The following LRP8 variants were observed in gnomAD, a reference collection of about 807,000 sequenced individuals.
The protein encoded by LRP8 is low-density lipoprotein receptor-related protein 8.
LRP8 carries 46 observed loss-of-function variants against 111.6 expected under a neutral mutation model. The ratio of observed to expected loss-of-function variants is 0.41; its 90% confidence interval spans 0.33 to 0.53. LRP8 has a LOEUF of 0.53. LRP8 is among the 20% of genes least tolerant of loss of function. The pLI is 0.20. For synonymous variants in LRP8, 464 were observed against 511.2 expected, an observed-to-expected ratio of 0.91 and a Z score of 1.24; for missense variants, 959 against 1,297.4, an observed-to-expected ratio of 0.74 and a Z score of 4.01.
intron 15 of LRP8, among the ~76,000 whole-genome samples, chr1:53,255,698 G>A (rs751458030): frequency 1.3e-5 from 2 of 152,162 alleles, no homozygotes; most frequent in Non-Finnish European, 2.9e-5. Flanking sequence ...GGAATCAAAA[G>A]CGCAGACTTC....
intron 2 of LRP8, chr1:53,305,376 CCCTT>C (rs1651745950): frequency 1.3e-5 from 2 of 152,226 alleles, no homozygotes; most frequent in Non-Finnish European, 2.9e-5. Context: ...AGTTCCTCCT[CCCTT>C]TATCCCAGCC....
chr1:53,272,434 C>G (rs577206174), intron 6 of LRP8, among the ~76,000 whole-genome samples: 1 of 152,292 alleles, frequency 6.6e-6, no homozygotes, highest in African/African-American at 2.4e-5. Context: ...CCCTCTCCCC[C>G]TCTGCCCCCC....
At position 53,249,553 on chromosome 1, in the gene LRP8, T is replaced by C. The variant is rs1402041461; in HGVS notation, c.2680A>G (p.Ile894Val). Residue 894 changes from isoleucine (I) to valine (V), a missense_variant, in exon 18 of 19, where the codon ATC becomes GTC. Ile to Val is a conservative substitution (Grantham distance 29, BLOSUM62 3). Transcript: ENST00000306052. The surrounding 1 kb of genome is among the most constrained non-coding windows in gnomAD (Gnocchi z 4.1). ...AQIGHVYPAA[I>V]SSFDRPLWAE... ...CACAGTGGGCGATCAAAGCTGCTGA[T>C]TGCCTGACAGGGGGATGGCACTGTG... 5.0e-6 allele frequency: 8 copies of C among 1,596,360 alleles called. No homozygotes were observed. Among genetic ancestry groups the C allele is most frequent in the Admixed American group, 3.5e-5 (2 of 57,044 alleles).
At chr1:53,315,181 G>T (rs150676370) in intron 2 of LRP8, among the ~76,000 whole-genome samples, 1 of 152,172 alleles carries the variant, frequency 6.6e-6, no homozygotes, top group African/African-American at 2.4e-5. Flanking sequence ...TCCCTAGAAG[G>T]CCTCTCCCTA....
Position 53,298,584 on chromosome 1 carries a change from T to C in LRP8, c.245-8895A>G, listed in dbSNP as rs114405623. Among the ~76,000 whole-genome samples the C allele has an allele frequency of 9.7e-3, 1,480 of 152,284 alleles. 31 individuals are homozygous for C. The highest frequency in any genetic ancestry group is 0.034 in the African/African-American group (1,427 of 41,550). On this transcript the variant is annotated intron_variant, in intron 2 of 18. Coordinates refer to ENST00000306052, the MANE Select transcript of LRP8 (RefSeq NM_004631.5). ...AGCTAGAAGAAAACTCATGACATTC[T>C]TAAAGTAGAAGCTTCCAGAGGCCAG...
At chr1:53,305,236 C>G (rs550887071) in intron 2 of LRP8, 10 of 152,186 alleles carry the variant, frequency 6.6e-5, no homozygotes, top group African/African-American at 2.2e-4. Context: ...GCTACCTGAC[C>G]GCTCTGAGCC....
intron 15 of LRP8, among the ~76,000 whole-genome samples, chr1:53,256,697 T>C (rs1387557753): frequency 6.6e-6 from 1 of 152,250 alleles, no homozygotes; most frequent in African/African-American, 2.4e-5. Flanking sequence ...CAATTACTGC[T>C]CCCAATGATT....
intron 5 of LRP8, among the ~76,000 whole-genome samples, chr1:53,276,060 G>A (rs1017856914): frequency 2.6e-5 from 4 of 152,102 alleles, no homozygotes; most frequent in Non-Finnish European, 5.9e-5. Flanking sequence ...ACAGACACAC[G>A]GCCTTCTTTT....
chr1:53,249,380 C>G lies in LRP8; in HGVS notation c.2853G>C (p.Lys951Asn), dbSNP rs766454353. 21 of 1,613,716 alleles carry G rather than the reference C, an allele frequency of 1.3e-5. No individual in the cohort carries two copies. In the Admixed American group the frequency reaches 2.0e-4, roughly 15 times the overall value. The part of the protein sequence containing the change: ...PLSELPVVKS[K>N]RVALSLEDDG... ...CAGACTTAGAGTGGCACTGCCCTAC[C>G]TTGGATTTGACGACAGGCAGCTCGG... The change falls in exon 18 of 19, where the codon AAG (lysine) becomes AAC (asparagine). Residue 951 changes from lysine (K) to asparagine (N), a missense_variant and splice_region_variant. This residue lies in a region of LRP8 where 819 missense variants were observed against 1,097.6 expected (regional missense o/e 0.75). Coordinates refer to ENST00000306052, the MANE Select transcript of LRP8 (RefSeq NM_004631.5). The surrounding 1 kb of genome is among the most constrained non-coding windows in gnomAD (Gnocchi z 4.1).
chr1:53,311,742 A>G (rs1653038360), intron 2 of LRP8, among the ~76,000 whole-genome samples: 1 of 152,112 alleles, frequency 6.6e-6, no homozygotes. Flanking sequence ...GGACCAGCCA[A>G]CCAGTGACCC....
In LRP8 at chr1:53,276,953, G is replaced by A; in HGVS notation, c.622C>T (p.Pro208Ser). Residue 208 changes from proline to serine, a missense_variant, in exon 5 of 19, where the codon CCC becomes TCC. Pro to Ser is a moderately conservative substitution (Grantham distance 74). Around this residue, in one of 3 missense-constraint regions of LRP8, gnomAD observed 819 missense variants for 1,097.6 expected, o/e 0.75. Coordinates refer to ENST00000306052, the MANE Select transcript of LRP8 (RefSeq NM_004631.5). ...ERGCADPACG[P>S]REFRCGGDGG... The stretch of plus-strand genomic sequence containing the variant: ...TCGCCGCCGCAGCGGAACTCGCGGG[G>A]CCCGCAGGCCGGGTCTGCACAGCCG... The A allele has an allele frequency of 2.0e-6, 3 of 1,474,536 alleles. No individual in the cohort carries two copies. The highest frequency in any genetic ancestry group is 2.7e-6 in the Non-Finnish European group (3 of 1,116,422). 91.3% of individuals were successfully genotyped at this position (1,474,536 alleles called of 1,614,324 possible).
At chr1:53,296,740 G>T (rs1649794583) in intron 2 of LRP8, among the ~76,000 whole-genome samples, 1 of 152,226 alleles carries the variant, frequency 6.6e-6, no homozygotes, top group Non-Finnish European at 1.5e-5. Context: ...GTAATGAGAG[G>T]GGGAGGAGAC....
At chr1:53,320,851 C>G (rs1469398376) in intron 2 of LRP8, among the ~76,000 whole-genome samples, 1 of 152,230 alleles carries the variant, frequency 6.6e-6, no homozygotes, top group Non-Finnish European at 1.5e-5. Context: ...CCAGGGTAGA[C>G]AGCGCTCAGC....
chr1:53,273,974 A>C lies in LRP8; in HGVS notation c.1006+1657T>G, dbSNP rs576542067. On this transcript the variant is annotated intron_variant, in intron 6 of 18. Transcript: ENST00000306052. ...CTAACCTGGGAACAGTAAAAACAAA[A>C]AACAAAAAAAAACTCATGAACCTTC... Among the ~76,000 whole-genome samples the C allele has an allele frequency of 1.7e-4, 26 of 151,656 alleles. 2 individuals are homozygous for C. Among genetic ancestry groups the C allele is most frequent in the East Asian group, 1.6e-3 (8 of 5,066 alleles).
rs577752931 is a variant in LRP8 at position 53,277,113 on chromosome 1, C to A, written c.497-35G>T. 7.6e-6 allele frequency: 11 copies of A among 1,439,924 alleles called. No homozygotes were observed. The East Asian group carries it at 3.1e-4, about 41-fold the overall frequency. The allele number at this position is 1,439,924 out of a possible 1,614,324, so 89.2% of individuals were successfully genotyped here. A position where few individuals can be genotyped will look rare whatever the true frequency, so the allele number is the denominator to read the frequency against. ...ACAGAGAGCCGGTCGGCCCGCCGAC[C>A]CCCTCCCCGGCCGACCTGGGGCCCC... On this transcript the variant is annotated intron_variant, in intron 4 of 18. Coordinates refer to ENST00000306052, the MANE Select transcript of LRP8 (RefSeq NM_004631.5).
At chr1:53,292,782 A>G (rs1383536180) in intron 2 of LRP8, among the ~76,000 whole-genome samples, 2 of 152,352 alleles carry the variant, frequency 1.3e-5, no homozygotes, top group African/African-American at 2.4e-5. Flanking sequence ...GTTAAGTTAC[A>G]TGTCCAAGGT....
chr1:53,263,726 G>T (rs1489060492), intron 10 of LRP8, among the ~76,000 whole-genome samples: 2 of 152,212 alleles, frequency 1.3e-5, no homozygotes, highest in Non-Finnish European at 2.9e-5. Flanking sequence ...AATGGAGGAA[G>T]TTGCAGGGAG....
intron 2 of LRP8, among the ~76,000 whole-genome samples, chr1:53,321,022 G>T (rs768358311): frequency 6.6e-6 from 1 of 152,216 alleles, no homozygotes; most frequent in Non-Finnish European, 1.5e-5. Flanking sequence ...CCCTCCCAGG[G>T]TTGTGAGTAG....
rs564577302 is a variant in LRP8, at chr1:53,273,504, C to T, written c.1006+2127G>A. Among the ~76,000 whole-genome samples, 11 of 152,332 alleles carry T rather than the reference C, an allele frequency of 7.2e-5. No individual in the cohort carries two copies. The South Asian group carries it at 2.3e-3, about 32-fold the overall frequency. On this transcript the variant is annotated intron_variant, in intron 6 of 18. Transcript: ENST00000306052. The stretch of plus-strand genomic sequence containing the variant: ...CAGAGGCCACACACAGACACAAGCA[C>T]GTGTGTACGTACTCCTCTTTGGTGT...
Sources: allele counts gnomAD v4.1 joint callset (sites outside exome capture counted in the v4.1 genomes callset), GRCh38; gene constraint gnomAD v4.1.1; regional missense constraint gnomAD v4.1.1; non-coding constraint Gnocchi (gnomAD v3.1); transcripts MANE v1.5; gene names NCBI Gene and HGNC (gene_info 2026-07-23, HGNC 2026-07-21).